The following KCND2 variants were observed in gnomAD, a reference collection of about 807,000 sequenced individuals.
KCND2 encodes A-type voltage-gated potassium channel KCND2.
KCND2 carries 16 observed loss-of-function variants against 54.4 expected under a neutral mutation model. The ratio of observed to expected loss-of-function variants is 0.29; its 90% confidence interval spans 0.20 to 0.45. The LOEUF (loss-of-function observed/expected upper bound fraction) is 0.45, where lower values mean the gene tolerates loss of function less well. KCND2 is among the 20% of genes least tolerant of loss of function. The pLI, the probability that KCND2 is intolerant of heterozygous loss-of-function variation, is 1.00. For synonymous variants in KCND2, 317 were observed against 310.7 expected, an observed-to-expected ratio of 1.02 and a Z score of -0.21; for missense variants, 486 against 824.2, an observed-to-expected ratio of 0.59 and a Z score of 5.02.
At chr7:120,467,644 G>A (rs1802390550) in intron 1 of KCND2, among the ~76,000 whole-genome samples, 2 of 152,066 alleles carry the variant, frequency 1.3e-5, no homozygotes, top group Non-Finnish European at 2.9e-5. Flanking sequence ...GTTTGAAAAT[G>A]GTCAATTGGA....
intron 1 of KCND2, among the ~76,000 whole-genome samples, chr7:120,648,643 A>G (rs1793470759): frequency 6.6e-6 from 1 of 152,214 alleles, no homozygotes. Flanking sequence ...TGCATTGCCC[A>G]TACATATTAA....
intron 1 of KCND2, among the ~76,000 whole-genome samples, chr7:120,594,817 C>T (rs1046902605): frequency 2.6e-5 from 4 of 152,012 alleles, no homozygotes; most frequent in Admixed American, 6.6e-5. Context: ...GTCAGGAGTT[C>T]GAGACCAGCC....
chr7:120,371,110 C>G (rs1489439447), intron 1 of KCND2, among the ~76,000 whole-genome samples: 2 of 151,988 alleles, frequency 1.3e-5, no homozygotes, highest in African/African-American at 4.8e-5. Context: ...GAGAACATGC[C>G]ACACCGTACA....
intron 1 of KCND2, among the ~76,000 whole-genome samples, chr7:120,526,396 T>C (rs938926051): frequency 3.9e-5 from 6 of 152,064 alleles, no homozygotes; most frequent in Admixed American, 1.3e-4. Flanking sequence ...GAAGAAAAAT[T>C]ACACATGAAG....
intron 1 of KCND2, among the ~76,000 whole-genome samples, chr7:120,352,259 T>C (rs1282902065): frequency 6.6e-6 from 1 of 151,952 alleles, no homozygotes; most frequent in African/African-American, 2.4e-5. Context: ...TCTGTAACAG[T>C]GGTCATTAAC....
chr7:120,295,422 A>G (rs1206698658), intron 1 of KCND2, among the ~76,000 whole-genome samples: 1 of 151,364 alleles, frequency 6.6e-6, no homozygotes, highest in Admixed American at 6.6e-5. Context: ...ACACACCCAC[A>G]CACATTCTAC....
chr7:120,535,363 T>G (rs1791893000), intron 1 of KCND2, among the ~76,000 whole-genome samples: 1 of 152,180 alleles, frequency 6.6e-6, no homozygotes, highest in Admixed American at 6.6e-5. Flanking sequence ...TGAAAAAAAG[T>G]AACTATAGGT....
chr7:120,306,333 T>C (rs181892362), intron 1 of KCND2, among the ~76,000 whole-genome samples: 3 of 152,238 alleles, frequency 2.0e-5, no homozygotes, highest in East Asian at 3.9e-4. Flanking sequence ...GATTTTTTTC[T>C]TTAAAACTGA....
chr7:120,501,368 G>A (rs1004774878), intron 1 of KCND2, among the ~76,000 whole-genome samples: 10 of 152,060 alleles, frequency 6.6e-5, no homozygotes, highest in Admixed American at 1.3e-4. Flanking sequence ...TTTGTACATC[G>A]TAGAAGAGAA....
At chr7:120,343,680 A>T (rs1185585638) in intron 1 of KCND2, among the ~76,000 whole-genome samples, 1 of 152,216 alleles carries the variant, frequency 6.6e-6, no homozygotes, top group Non-Finnish European at 1.5e-5. Context: ...ATGTTATTTT[A>T]AGCCATAAGT....
intron 1 of KCND2, among the ~76,000 whole-genome samples, chr7:120,363,844 C>T (rs1800629194): frequency 6.6e-6 from 1 of 152,092 alleles, no homozygotes; most frequent in African/African-American, 2.4e-5. Flanking sequence ...AGATCTCCTC[C>T]AGCTGTTTCT....
chr7:120,295,791 A>G (rs1408908169), intron 1 of KCND2, among the ~76,000 whole-genome samples: 1 of 152,066 alleles, frequency 6.6e-6, no homozygotes, highest in Non-Finnish European at 1.5e-5. Flanking sequence ...ACTATTTTGC[A>G]GATGAGATAA....
At chr7:120,493,440 C>G (rs899576192) in intron 1 of KCND2, among the ~76,000 whole-genome samples, 2 of 151,758 alleles carry the variant, frequency 1.3e-5, no homozygotes, top group Non-Finnish European at 2.9e-5. Context: ...TGTCTTTACC[C>G]TCAGGGAACT....
chr7:120,332,269 C>T (rs1310375460), intron 1 of KCND2, among the ~76,000 whole-genome samples: 4 of 152,020 alleles, frequency 2.6e-5, no homozygotes, highest in African/African-American at 9.7e-5. Flanking sequence ...GGCAAATATA[C>T]ACTTTTGGAA....
chr7:120,432,917 A>G (rs886075347), intron 1 of KCND2, among the ~76,000 whole-genome samples: 22 of 152,122 alleles, frequency 1.4e-4, no homozygotes, highest in African/African-American at 5.1e-4. Flanking sequence ...CACCACTTCA[A>G]AACCCTTCAC....
At chr7:120,376,837 T>C (rs888682194) in intron 1 of KCND2, among the ~76,000 whole-genome samples, 7 of 151,952 alleles carry the variant, frequency 4.6e-5, no homozygotes, top group Admixed American at 3.9e-4. Context: ...TTGTGTTCTT[T>C]AAAGCATTCA....
At position 120,650,557 on chromosome 7, in the gene KCND2, C is replaced by T. The variant is rs1305569599; in HGVS notation, c.1116-82346C>T. Among the ~76,000 whole-genome samples, 12 of 143,264 alleles carry T rather than the reference C, an allele frequency of 8.4e-5. 1 individual carries two copies. Among genetic ancestry groups the T allele is most frequent in the African/African-American group, 1.9e-4 (7 of 36,440 alleles). The allele number at this position is 143,264 out of a possible 152,430, so 94.0% of individuals were successfully genotyped here. ...GTTTTTAGCTTCTTTGCGATGGGTT[C>T]GAACTTCCTCCTTTAGCTCGGAGAA... On this transcript the variant is annotated intron_variant, in intron 1 of 5. Transcript: ENST00000331113.
chr7:120,503,385 T>TGAGAGAGA (rs58222636), intron 1 of KCND2, among the ~76,000 whole-genome samples: 3,876 of 146,632 alleles, frequency 0.026, 148 homozygotes, highest in African/African-American at 0.089. Context: ...GTCTCTAGAG[T>TGAGAGAGA]GAGAGAGAGA....
At chr7:120,648,878 C>T (rs557495667) in intron 1 of KCND2, among the ~76,000 whole-genome samples, 10 of 152,228 alleles carry the variant, frequency 6.6e-5, no homozygotes, top group African/African-American at 2.4e-4. Context: ...ACTACAAAGT[C>T]ATTATAATTT....
Sources: allele counts gnomAD v4.1 joint callset (sites outside exome capture counted in the v4.1 genomes callset), GRCh38; gene constraint gnomAD v4.1.1; transcripts MANE v1.5; gene names NCBI Gene and HGNC (gene_info 2026-07-23, HGNC 2026-07-21).